Variants in FGF17 observed in about 807,000 individuals in gnomAD.
The protein encoded by FGF17 is fibroblast growth factor 17.
FGF17 carries 5 observed loss-of-function variants against 23.5 expected under a neutral mutation model. That is an observed-to-expected ratio of 0.21 (90% CI 0.11 to 0.45). The LOEUF is 0.45. Among genes scored for constraint, FGF17 ranks in the 20% least tolerant of loss-of-function variants. The pLI is 0.99. For synonymous variants in FGF17, 136 were observed against 123.0 expected (o/e 1.11, Z -0.70); for missense variants, 221 against 306.9 (o/e 0.72, Z 2.09).
chr8:22,045,478 G>A (rs1004812616), intron 2 of FGF17: 22 of 990,212 alleles, frequency 2.2e-5, no homozygotes, highest in Middle Eastern at 9.6e-4. Flanking sequence ...GCACCAGGGG[G>A]CAAGGCCGGG....
chr8:22,045,659 A>C, intron 2 of FGF17: 1 of 1,063,712 alleles, frequency 9.4e-7, no homozygotes, highest in Non-Finnish European at 1.1e-6. Context: ...GCCAGTGGGG[A>C]GGATGAGGAA....
chr8:22,042,933 G>C lies in FGF17; in HGVS notation c.5G>C (p.Gly2Ala). The C allele has an allele frequency of 6.2e-7, 1 of 1,613,338 alleles. No individual in the cohort carries two copies. Among genetic ancestry groups the C allele is most frequent in the Non-Finnish European group, 8.5e-7 (1 of 1,179,750 alleles). The change falls in exon 1 of 5, where the codon GGA becomes GCA. Residue 2 changes from glycine (G) to alanine (A), a missense_variant. Gly to Ala is a moderately conservative substitution (Grantham distance 60, BLOSUM62 0). This residue lies in a region of FGF17 where 35 missense variants were observed against 35.5 expected (regional missense o/e 0.99). Transcript: ENST00000359441. MGAARLLPNLTL... is the reference protein window; with the variant it reads MAAARLLPNLTL... ...GCCTGAGGAACCTCTCCAGCGATGG[G>C]AGCCGCCCGCCTGCTGCCCAACCTC...
chr8:22,047,371 C>T (rs1800924525), intron 4 of FGF17, among the ~76,000 whole-genome samples: 1 of 152,178 alleles, frequency 6.6e-6, no homozygotes, highest in Non-Finnish European at 1.5e-5. Context: ...CCAAAGCACA[C>T]GGTAGGCCGG....
intron 3 of FGF17, 72 bp from the exon 4 acceptor site, chr8:22,046,455 G>T: frequency 1.4e-6 from 2 of 1,443,646 alleles, no homozygotes; most frequent in East Asian, 2.3e-5. Flanking sequence ...AGTGTGGCTG[G>T]GTGGTCCCCT....
chr8:22,042,853 C>G lies in FGF17; in HGVS notation c.-76C>G, dbSNP rs1161911207. On this transcript the variant is annotated 5_prime_UTR_variant, in exon 1 of 5. Transcript: ENST00000359441. ...GAGAGACCTTGGCTTCTCTGGGACT[C>G]TACCCCTGGGGACTTCCCACATCTG... 7 of 1,525,032 alleles carry G rather than the reference C, an allele frequency of 4.6e-6. No individual in the cohort carries two copies. Among genetic ancestry groups the G allele is most frequent in the South Asian group, 4.6e-5 (4 of 87,430 alleles). 94.5% of individuals were successfully genotyped at this position (1,525,032 alleles called of 1,614,324 possible).
intron 4 of FGF17, among the ~76,000 whole-genome samples, chr8:22,047,581 T>A (rs2129694097): frequency 6.6e-6 from 1 of 152,310 alleles, no homozygotes; most frequent in East Asian, 1.9e-4. Context: ...TTCTTCTCAT[T>A]GGAGGCTGCT....
rs1359568569 is a variant in FGF17, at chr8:22,042,934, A to G, written c.6A>G (p.Gly2=). The G allele has an allele frequency of 1.9e-6, 3 of 1,613,186 alleles. No homozygotes were observed. The highest frequency in any genetic ancestry group is 4.5e-5 in the East Asian group (2 of 44,862). Residue 2 remains glycine, a synonymous_variant, in exon 1 of 5, where the codon GGA becomes GGG. Coordinates refer to ENST00000359441, the MANE Select transcript of FGF17 (RefSeq NM_003867.4). M[G]AARLLPNLTL... ...CCTGAGGAACCTCTCCAGCGATGGG[A>G]GCCGCCCGCCTGCTGCCCAACCTCA...
In FGF17 at chr8:22,046,521, C is replaced by T. The variant is rs897758780; in HGVS notation, c.251-6C>T. 1 of 1,610,192 alleles carries T rather than the reference C, an allele frequency of 6.2e-7. No individual in the cohort carries two copies. The highest frequency in any genetic ancestry group is 1.3e-5 in the African/African-American group (1 of 74,884). On this transcript the variant is annotated splice_region_variant and splice_polypyrimidine_tract_variant and intron_variant, in intron 3 of 4. Transcript: ENST00000359441. ...ACGGAGGTCTTTCTCCCCTCCCCCA[C>T]CACAGCCAAGCTCATAGTGGAGACG...
Position 22,042,826 on chromosome 8 carries a change from CG to C in FGF17, c.-101del. The C allele has an allele frequency of 8.0e-7, 1 of 1,242,670 alleles. No individual in the cohort carries two copies. Among genetic ancestry groups the C allele is most frequent in the Non-Finnish European group, 1.2e-6 (1 of 864,948 alleles). The allele number at this position is 1,242,670 out of a possible 1,614,324, so 77.0% of individuals were successfully genotyped here. ...CTCGCCCCCCTGAAAACCTGTGGCTCGGAGAGACCTTGGCTTCTCTGGGACT... is the reference window on the plus strand; with the variant it reads ...CTCGCCCCCCTGAAAACCTGTGGCTCGAGAGACCTTGGCTTCTCTGGGACT... On this transcript the variant is annotated 5_prime_UTR_variant, in exon 1 of 5. Transcript: ENST00000359441.
rs1253143698 is a variant in FGF17, at chr8:22,048,609, G to A, written c.*360G>A. On this transcript the variant is annotated 3_prime_UTR_variant, in exon 5 of 5. Transcript: ENST00000359441. This position sits in a 1 kb window ranked among gnomAD's most constrained non-coding sequence, Gnocchi z 6.9. ...TGGCTGTCCTCAAAATCTGCTTCTC[G>A]GATCTCCCTCAGTCTGCCCCCAGCC... 6.8e-6 allele frequency: 2 copies of A among 292,846 alleles called. No individual in the cohort carries two copies. The highest frequency in any genetic ancestry group is 1.3e-5 in the Non-Finnish European group (2 of 156,974). The allele number at this position is 292,846 out of a possible 1,614,324, so 18.1% of individuals were successfully genotyped here. A position where few individuals can be genotyped will look rare whatever the true frequency, so the allele number is the denominator to read the frequency against.
intron 2 of FGF17, chr8:22,045,300 C>G: frequency 1.0e-6 from 1 of 986,156 alleles, no homozygotes; most frequent in Non-Finnish European, 1.2e-6. Context: ...AGCTGCCTGC[C>G]AGGGGCAGCC....
rs548924300 is a variant in FGF17, at chr8:22,043,874, G to T, written c.72+693G>T. ...TATTAAAATGCACTGGTCCAGAACC[G>T]CTCTGGGGAGAGATCGCTTGGCTTT... On this transcript the variant is annotated intron_variant, in intron 2 of 4. Transcript: ENST00000359441. Among the ~76,000 whole-genome samples the T allele has an allele frequency of 3.3e-5, 5 of 152,000 alleles. No homozygotes were observed. In the South Asian group the frequency reaches 1.0e-3, roughly 32 times the overall value.
At chr8:22,044,885 T>C in intron 2 of FGF17, 1 of 985,404 alleles carries the variant, frequency 1.0e-6, no homozygotes. Flanking sequence ...GATGCTAATC[T>C]GGGTCTAGCT....
upstream of FGF17, chr8:22,042,567 A>G (rs187856718): frequency 2.2e-4 from 105 of 479,736 alleles, no homozygotes; most frequent in African/African-American, 1.7e-3. Context: ...GGAATAGAGC[A>G]GGAGACAGCA....
At chr8:22,042,758 CCTCCTCCCTCTTTTCT>C (rs1800759576), upstream of FGF17, 1 of 636,920 alleles carries the variant, frequency 1.6e-6, no homozygotes. Flanking sequence ...TCCTCCCCCT[CCTCCTCCCTCTTTTCT>C]CTCCTCCTCC....
At chr8:22,042,749 C>G, upstream of FGF17, 2 of 604,806 alleles carry the variant, frequency 3.3e-6, no homozygotes, top group South Asian at 1.9e-5. Flanking sequence ...ACGCCCTCCT[C>G]CTCCCCCTCC....
intron 4 of FGF17, 68 bp downstream of exon 4, chr8:22,046,701 T>A: frequency 9.5e-7 from 1 of 1,055,518 alleles, no homozygotes. Flanking sequence ...TAGGGCATCA[T>A]GCTCCCCTCT....
chr8:22,044,801 A>G, intron 2 of FGF17: 2 of 985,536 alleles, frequency 2.0e-6, no homozygotes, highest in African/African-American at 1.7e-5. Context: ...CAGCTCTGAG[A>G]GCTGCTCCCT....
rs1800877837 is a variant in FGF17, at chr8:22,046,725, C to T, written c.357+92C>T. 7 of 829,830 alleles carry T rather than the reference C, an allele frequency of 8.4e-6. No individual in the cohort carries two copies. The Admixed American group carries it at 1.2e-4, about 14-fold the overall frequency. The allele number at this position is 829,830 out of a possible 1,614,324, so 51.4% of individuals were successfully genotyped here. On this transcript the variant is annotated intron_variant, in intron 4 of 4. Coordinates refer to ENST00000359441, the MANE Select transcript of FGF17 (RefSeq NM_003867.4). ...ATGCTCCCCTCTCTCCTCTGAGCCACACACCCTCCTGTGTAAAGACTTCCC... is the reference window on the plus strand; with the variant it reads ...ATGCTCCCCTCTCTCCTCTGAGCCATACACCCTCCTGTGTAAAGACTTCCC...
Sources: allele counts gnomAD v4.1 joint callset (sites outside exome capture counted in the v4.1 genomes callset), GRCh38; gene constraint gnomAD v4.1.1; regional missense constraint gnomAD v4.1.1; non-coding constraint Gnocchi (gnomAD v3.1); transcripts MANE v1.5; gene names NCBI Gene and HGNC (gene_info 2026-07-23, HGNC 2026-07-21).